Variants in RIMS1 observed in about 807,000 individuals in gnomAD.
RIMS1 encodes regulating synaptic membrane exocytosis protein 1.
In RIMS1, 83 loss-of-function variants were observed where a neutral mutation model predicts 214.1. The observed-to-expected ratio is 0.39, with a 90% CI of 0.32 to 0.47. The LOEUF (loss-of-function observed/expected upper bound fraction) is 0.47, where lower values mean the gene tolerates loss of function less well. RIMS1 is among the 20% of genes least tolerant of loss of function. The pLI, the probability that RIMS1 is intolerant of heterozygous loss-of-function variation, is 0.99. For missense variants in RIMS1, 2,050 were observed against 2,161.8 expected, an observed-to-expected ratio of 0.95 and a Z score of 1.03; for synonymous variants, 793 against 786.8, an observed-to-expected ratio of 1.01 and a Z score of -0.13.
In RIMS1 at chr6:72,366,906, G is replaced by C. The variant is rs1278362793; in HGVS notation, c.4367-23692G>C. 4 of 956,244 alleles carry C rather than the reference G, an allele frequency of 4.2e-6. No homozygotes were observed. The East Asian group carries it at 4.6e-4, about 110-fold the overall frequency. 59.2% of individuals were successfully genotyped at this position (956,244 alleles called of 1,614,324 possible). On this transcript the variant is annotated intron_variant, in intron 29 of 33. Coordinates refer to ENST00000521978, the MANE Select transcript of RIMS1 (RefSeq NM_014989.7). The stretch of plus-strand genomic sequence containing the variant: ...CTTATATGTATTTACTAAGTTATAA[G>C]GGGAGTTTGTTTATTTATAACTTTT...
chr6:72,089,440 T>TTTTTG (rs955476803), intron 2 of RIMS1, among the ~76,000 whole-genome samples: 3 of 152,042 alleles, frequency 2.0e-5, no homozygotes, highest in African/African-American at 7.2e-5. Flanking sequence ...GAATTTGGTA[T>TTTTTG]TTTTGTTTTG....
intron 6 of RIMS1, among the ~76,000 whole-genome samples, chr6:72,185,172 G>A (rs114511707): frequency 0.018 from 2,700 of 152,196 alleles, 80 homozygotes; most frequent in African/African-American, 0.061. Flanking sequence ...TTTGGCTTCT[G>A]GACCTTAAAG....
intron 4 of RIMS1, among the ~76,000 whole-genome samples, chr6:72,179,011 C>T (rs2048095615): frequency 6.6e-6 from 1 of 152,104 alleles, no homozygotes; most frequent in Non-Finnish European, 1.5e-5. Context: ...TAGTTTATCA[C>T]TAAGAAACTA....
At chr6:72,059,776 A>G (rs981324719) in intron 2 of RIMS1, among the ~76,000 whole-genome samples, 1 of 152,202 alleles carries the variant, frequency 6.6e-6, no homozygotes, top group East Asian at 1.9e-4. Context: ...CAATGAATCA[A>G]TCAATTAAAT....
chr6:71,904,842 C>T (rs746475004), intron 1 of RIMS1, among the ~76,000 whole-genome samples: 5 of 152,112 alleles, frequency 3.3e-5, no homozygotes, highest in Non-Finnish European at 5.9e-5. Flanking sequence ...ATCTATAGAA[C>T]ACTTGCAAAT....
At chr6:72,269,945 G>A (rs548635691) in intron 22 of RIMS1, among the ~76,000 whole-genome samples, 3 of 151,992 alleles carry the variant, frequency 2.0e-5, no homozygotes, top group South Asian at 4.2e-4. Context: ...CCTCAGTCCC[G>A]CCACCAACAC....
chr6:72,173,480 ATCTC>A lies in RIMS1; in HGVS notation c.472-6091_472-6088del, dbSNP rs1322092867. Among the ~76,000 whole-genome samples, 6 of 150,544 alleles carry A rather than the reference ATCTC, an allele frequency of 4.0e-5. No individual in the cohort carries two copies. The East Asian group carries it at 1.2e-3, about 29-fold the overall frequency. Reference sequence around the variant, plus strand: ...ATGTGTTTTATCTCTCTAACGTTTTATCTCTCTAACATTTTATCTCATGTGTTTT... The same window carrying A: ...ATGTGTTTTATCTCTCTAACGTTTTATCTAACATTTTATCTCATGTGTTTT... On this transcript the variant is annotated intron_variant, in intron 4 of 33. Coordinates refer to ENST00000521978, the MANE Select transcript of RIMS1 (RefSeq NM_014989.7).
At position 72,265,523 on chromosome 6, in the gene RIMS1, A is replaced by G. The variant is rs543410071; in HGVS notation, c.3308+20A>G. ...GGTTAGGTAAGAACATTTGGAAGTG[A>G]TATCTTCCGTTTCCCTTGTTTATTG... On this transcript the variant is annotated intron_variant, in intron 21 of 33. Transcript: ENST00000521978. 2.7e-5 allele frequency: 37 copies of G among 1,376,572 alleles called. No homozygotes were observed. In the Admixed American group the frequency reaches 5.6e-4, roughly 21 times the overall value. 85.3% of individuals were successfully genotyped at this position (1,376,572 alleles called of 1,614,324 possible). A position where few individuals can be genotyped will look rare whatever the true frequency, so the allele number is the denominator to read the frequency against.
At chr6:72,397,662 C>T (rs1379714682) in intron 31 of RIMS1, among the ~76,000 whole-genome samples, 1 of 152,176 alleles carries the variant, frequency 6.6e-6, no homozygotes, top group Admixed American at 6.5e-5. Context: ...TATTTACATA[C>T]ACTGCACTAT....
intron 2 of RIMS1, among the ~76,000 whole-genome samples, chr6:71,977,809 G>A (rs759425735): frequency 3.5e-4 from 54 of 152,142 alleles, no homozygotes; most frequent in Non-Finnish European, 6.9e-4. Context: ...GTAGAAAGAG[G>A]GCAATGGCTG....
chr6:71,892,480 A>G (rs1412860009), intron 1 of RIMS1, among the ~76,000 whole-genome samples: 2 of 151,750 alleles, frequency 1.3e-5, no homozygotes, highest in Non-Finnish European at 2.9e-5. Flanking sequence ...AACATGTTCC[A>G]CCCTTTTCTG....
Position 72,182,412 on chromosome 6 carries a change from G to C in RIMS1, c.941G>C (p.Arg314Pro), listed in dbSNP as rs375918012. The change falls in exon 6 of 34, where the codon CGG (arginine) becomes CCG (proline). Residue 314 changes from arginine (R) to proline (P), a missense_variant. Arg to Pro is a moderately radical substitution (Grantham distance 103). This residue lies in a region of RIMS1 where 882 missense variants were observed against 828.9 expected (regional missense o/e 1.06). Coordinates refer to ENST00000521978, the MANE Select transcript of RIMS1 (RefSeq NM_014989.7). ...GAAGAACGGGAGCGCAAAGAAAGGC[G>C]GGAAAGCCGAAGGCTTGAGAAAGGG... ...AVEERERKER[R>P]ESRRLEKGRS... is the part of the protein sequence containing the mutation. 6.2e-7 allele frequency: 1 copy of C among 1,613,822 alleles called. No homozygotes were observed. Among genetic ancestry groups the C allele is most frequent in the African/African-American group, 1.3e-5 (1 of 74,948 alleles).
At chr6:72,339,128 G>A (rs1368920462) in intron 29 of RIMS1, among the ~76,000 whole-genome samples, 4 of 151,690 alleles carry the variant, frequency 2.6e-5, no homozygotes, top group East Asian at 1.9e-4. Flanking sequence ...GTGGTAGAAC[G>A]GAAGCACAGG....
At chr6:72,170,880 C>A (rs573533236) in intron 4 of RIMS1, among the ~76,000 whole-genome samples, 3 of 152,186 alleles carry the variant, frequency 2.0e-5, no homozygotes, top group African/African-American at 7.2e-5. Context: ...TTGTATGATG[C>A]TAATAAAAAT....
chr6:72,171,012 GAAGATATAAGC>G (rs2046954886), intron 4 of RIMS1, among the ~76,000 whole-genome samples: 1 of 151,958 alleles, frequency 6.6e-6, no homozygotes, highest in African/African-American at 2.4e-5. Context: ...AGCACAGAGA[GAAGATATAAGC>G]TGTCCTAGGT....
intron 6 of RIMS1, among the ~76,000 whole-genome samples, chr6:72,215,094 A>G (rs923063632): frequency 1.3e-5 from 2 of 152,174 alleles, no homozygotes; most frequent in African/African-American, 4.8e-5. Flanking sequence ...AAATGAGTAT[A>G]TTGGTTGTTG....
intron 2 of RIMS1, among the ~76,000 whole-genome samples, chr6:72,024,491 C>T (rs1815716998): frequency 6.6e-6 from 1 of 152,120 alleles, no homozygotes; most frequent in South Asian, 2.1e-4. Flanking sequence ...ATACAAGGCA[C>T]TCAAATAATA....
intron 6 of RIMS1, among the ~76,000 whole-genome samples, chr6:72,211,143 A>G (rs752476254): frequency 1.3e-5 from 2 of 152,190 alleles, no homozygotes; most frequent in Non-Finnish European, 2.9e-5. Context: ...GGTATTACTA[A>G]AAGGATCTGG....
At chr6:72,350,842 G>A (rs963089382) in intron 29 of RIMS1, among the ~76,000 whole-genome samples, 9 of 152,068 alleles carry the variant, frequency 5.9e-5, no homozygotes, top group Non-Finnish European at 8.8e-5. Flanking sequence ...AGCTCAGAGT[G>A]CAAAATTATT....
Sources: gnomAD v4.1 joint callset for allele counts (sites outside exome capture counted in the v4.1 genomes callset) on GRCh38, gnomAD v4.1.1 for gene constraint, gnomAD v4.1.1 regional missense constraint, MANE v1.5 for transcripts, NCBI Gene and HGNC (gene_info 2026-07-23, HGNC 2026-07-21) for gene names.